The following EYS variants were observed in gnomAD, a reference collection of about 807,000 sequenced individuals.
The protein encoded by EYS is protein eyes shut homolog.
Under a neutral mutation model 282.1 loss-of-function variants are expected in EYS, and 250 were observed. That is an observed-to-expected ratio of 0.89 (90% CI 0.80 to 0.98). EYS has a LOEUF of 0.98. EYS is among the 50% of genes least tolerant of loss of function. The pLI, the probability that EYS is intolerant of heterozygous loss-of-function variation, is 0.00. For synonymous variants in EYS, 1,355 were observed against 1,282.9 expected, an observed-to-expected ratio of 1.06 and a Z score of -1.20; for missense variants, 4,016 against 3,709.0, an observed-to-expected ratio of 1.08 and a Z score of -2.15.
At chr6:65,402,845 C>G (rs1385675192) in intron 6 of EYS, among the ~76,000 whole-genome samples, 5 of 152,038 alleles carry the variant, frequency 3.3e-5, no homozygotes, top group Non-Finnish European at 7.4e-5. Context: ...ATATTCCCTT[C>G]CTCTTGAATG....
chr6:63,918,473 T>C (rs79161895), intron 35 of EYS, among the ~76,000 whole-genome samples: 2,544 of 152,316 alleles, frequency 0.017, 62 homozygotes, highest in African/African-American at 0.058. Flanking sequence ...TTGTGTTACA[T>C]GCTAAGATGC....
intron 30 of EYS, among the ~76,000 whole-genome samples, chr6:64,293,915 C>T (rs1258272051): frequency 1.3e-5 from 2 of 152,106 alleles, no homozygotes; most frequent in Non-Finnish European, 2.9e-5. Flanking sequence ...AATATCGTAC[C>T]TGTCTACTCT....
At chr6:65,008,058 G>A (rs1289221959) in intron 13 of EYS, among the ~76,000 whole-genome samples, 2 of 152,166 alleles carry the variant, frequency 1.3e-5, no homozygotes, top group Admixed American at 1.3e-4. Context: ...CAGGCCAGCA[G>A]GCAGTTCCCA....
intron 31 of EYS, among the ~76,000 whole-genome samples, chr6:64,162,596 G>C (rs1270952869): frequency 6.6e-6 from 1 of 152,076 alleles, no homozygotes; most frequent in Admixed American, 6.6e-5. Flanking sequence ...TTTAGGATTA[G>C]GAATTAGAAC....
intron 19 of EYS, among the ~76,000 whole-genome samples, chr6:64,825,275 C>A (rs924231975): frequency 2.0e-5 from 3 of 151,892 alleles, no homozygotes; most frequent in Admixed American, 1.3e-4. Context: ...TCCGCAATTG[C>A]CATTATCCTG....
chr6:64,063,153 T>C lies in EYS; in HGVS notation c.6725+3185A>G, dbSNP rs1174446356. 2.6e-5 allele frequency among the ~76,000 whole-genome samples: 4 copies of C among 152,210 alleles called. No individual in the cohort carries two copies. The East Asian group carries it at 5.8e-4, about 22-fold the overall frequency. ...GTCATTCTAGGCAATTTTTTTCTAC[T>C]GTATACTCTCATCCTTTCCCATGGT... On this transcript the variant is annotated intron_variant, in intron 33 of 42. Coordinates refer to ENST00000503581, the MANE Select transcript of EYS (RefSeq NM_001142800.2).
At chr6:64,716,016 A>G (rs746630506) in intron 22 of EYS, among the ~76,000 whole-genome samples, 12 of 152,230 alleles carry the variant, frequency 7.9e-5, no homozygotes, top group Non-Finnish European at 1.3e-4. Context: ...AGATAAAAGA[A>G]GAAACAAGTG....
At chr6:65,317,825 C>T (rs12191345) in intron 11 of EYS, among the ~76,000 whole-genome samples, 22 of 81,280 alleles carry the variant, frequency 2.7e-4, no homozygotes, top group East Asian at 6.3e-4. Context: ...TTCCTTCCTT[C>T]CTTTCTTTCT....
At chr6:64,147,618 C>G (rs1015006202) in intron 31 of EYS, among the ~76,000 whole-genome samples, 1 of 152,178 alleles carries the variant, frequency 6.6e-6, no homozygotes, top group Admixed American at 6.6e-5. Flanking sequence ...TTTACCAACA[C>G]TTCATCTGTC....
At chr6:65,112,838 T>TA (rs1220702738) in intron 12 of EYS, among the ~76,000 whole-genome samples, 2 of 152,128 alleles carry the variant, frequency 1.3e-5, no homozygotes, top group Non-Finnish European at 2.9e-5. Context: ...AATACTTTAC[T>TA]AAGTAGTCAT....
intron 2 of EYS, among the ~76,000 whole-genome samples, chr6:65,632,532 A>T (rs2149808907): frequency 6.6e-6 from 1 of 152,296 alleles, no homozygotes; most frequent in Admixed American, 6.5e-5. Flanking sequence ...GCATGTTATT[A>T]TTCATGCTCT....
intron 12 of EYS, among the ~76,000 whole-genome samples, chr6:65,286,934 A>C (rs1768383593): frequency 6.6e-6 from 1 of 151,468 alleles, no homozygotes; most frequent in Non-Finnish European, 1.5e-5. Flanking sequence ...TTTTAACTTC[A>C]ATGGGAATGT....
chr6:64,921,552 T>C (rs1349167800), intron 15 of EYS, among the ~76,000 whole-genome samples: 1 of 152,212 alleles, frequency 6.6e-6, no homozygotes, highest in Non-Finnish European at 1.5e-5. Flanking sequence ...TGCTTCTTGA[T>C]GAGACTCTTC....
At chr6:64,654,166 T>C (rs1456531407) in intron 22 of EYS, among the ~76,000 whole-genome samples, 1 of 152,216 alleles carries the variant, frequency 6.6e-6, no homozygotes, top group African/African-American at 2.4e-5. Flanking sequence ...AGCAGTTTTC[T>C]GTTTCTACTA....
intron 11 of EYS, among the ~76,000 whole-genome samples, chr6:65,311,470 C>T (rs571059847): frequency 3.3e-5 from 5 of 152,222 alleles, no homozygotes; most frequent in African/African-American, 2.4e-5. Flanking sequence ...GGATGGGGAA[C>T]GCAGTAGAAT....
chr6:63,784,146 A>G (rs1401137028), intron 39 of EYS, among the ~76,000 whole-genome samples: 1 of 152,118 alleles, frequency 6.6e-6, no homozygotes, highest in East Asian at 1.9e-4. Context: ...CCTTGTTCTT[A>G]GGGTTTCAGA....
At chr6:63,986,790 A>T (rs1442622836) in intron 34 of EYS, among the ~76,000 whole-genome samples, 1 of 151,654 alleles carries the variant, frequency 6.6e-6, no homozygotes, top group African/African-American at 2.4e-5. Flanking sequence ...GGTAAAGGGT[A>T]GGAGGAGGTA....
chr6:64,781,707 C>T (rs560398541), intron 22 of EYS, among the ~76,000 whole-genome samples: 1 of 152,002 alleles, frequency 6.6e-6, no homozygotes, highest in Non-Finnish European at 1.5e-5. Context: ...TGACTGCTAT[C>T]AAGTTTTCAA....
chr6:64,510,490 G>C (rs191324550), intron 26 of EYS, among the ~76,000 whole-genome samples: 28 of 151,574 alleles, frequency 1.8e-4, no homozygotes, highest in Middle Eastern at 3.4e-3. Context: ...AGAAGATAAA[G>C]GTACGTCAAG....
Sources: gnomAD v4.1 joint callset for allele counts (sites outside exome capture counted in the v4.1 genomes callset) on GRCh38, gnomAD v4.1.1 for gene constraint, MANE v1.5 for transcripts, NCBI Gene and HGNC (gene_info 2026-07-23, HGNC 2026-07-21) for gene names.